The following FEZ1 variants were observed in gnomAD, a reference collection of about 807,000 sequenced individuals.
The protein encoded by FEZ1 is fasciculation and elongation protein zeta 1, also known as fasciculation and elongation protein zeta-1.
In FEZ1, 20 loss-of-function variants were observed where a neutral mutation model predicts 49.3. The ratio of observed to expected loss-of-function variants is 0.41; its 90% confidence interval spans 0.29 to 0.59. FEZ1 has a LOEUF of 0.59. Ranked by LOEUF, FEZ1 falls within the 20% of genes least tolerant of loss-of-function variation. FEZ1 has a pLI of 0.36. For missense variants in FEZ1, 413 were observed against 476.0 expected (o/e 0.87, Z 1.23); for synonymous variants, 170 against 180.9 (o/e 0.94, Z 0.48).
intron 3 of FEZ1, 71 bp downstream of exon 3, chr11:125,481,463 A>G: frequency 2.3e-6 from 2 of 884,986 alleles, no homozygotes; most frequent in Non-Finnish European, 3.9e-6. Context: ...AAGACTGTTG[A>G]GTTACTGAAT....
chr11:125,478,391 A>C (rs924576226), intron 3 of FEZ1, among the ~76,000 whole-genome samples: 1 of 152,160 alleles, frequency 6.6e-6, no homozygotes, highest in Admixed American at 6.5e-5. Flanking sequence ...GCAGTGAGCC[A>C]AGATCGCGCC....
At chr11:125,485,987 G>A (rs543883074) in intron 2 of FEZ1, among the ~76,000 whole-genome samples, 17 of 152,150 alleles carry the variant, frequency 1.1e-4, no homozygotes, top group East Asian at 7.7e-4. Context: ...ACATTAATGC[G>A]TTTGCTCAAC....
intron 2 of FEZ1, among the ~76,000 whole-genome samples, chr11:125,486,654 G>T (rs1565304181): frequency 6.6e-6 from 1 of 152,150 alleles, no homozygotes; most frequent in Non-Finnish European, 1.5e-5. Context: ...CCCTGCTTTT[G>T]TTTTAAGCTT....
chr11:125,477,308 A>T (rs1176582455), intron 3 of FEZ1, among the ~76,000 whole-genome samples: 1 of 149,870 alleles, frequency 6.7e-6, no homozygotes, highest in Non-Finnish European at 1.5e-5. Context: ...TAGCCTGGCC[A>T]ATATGCAAAA....
At chr11:125,479,057 CGA>C (rs1957257402) in intron 3 of FEZ1, among the ~76,000 whole-genome samples, 1 of 152,096 alleles carries the variant, frequency 6.6e-6, no homozygotes, top group Admixed American at 6.6e-5. Flanking sequence ...CATGCACAGC[CGA>C]GAGTTCAAAA....
chr11:125,455,657 G>A, intron 6 of FEZ1, 178 bp downstream of exon 6: 1 of 696,808 alleles, frequency 1.4e-6, no homozygotes, highest in African/African-American at 1.8e-5. Context: ...AGCCCTTTGG[G>A]GGAGTGGAGG....
chr11:125,454,313 G>C, intron 6 of FEZ1, 103 bp from the exon 7 acceptor site: 1 of 752,196 alleles, frequency 1.3e-6, no homozygotes, highest in Non-Finnish European at 2.2e-6. Flanking sequence ...ACGCCCCAGG[G>C]TTCTGTGACT....
intron 8 of FEZ1, among the ~76,000 whole-genome samples, chr11:125,450,113 C>T (rs746314721): frequency 2.2e-4 from 33 of 151,642 alleles, no homozygotes; most frequent in African/African-American, 7.3e-4. Flanking sequence ...CTGCAACCTC[C>T]GCCTCCCGGG....
rs942764752 is a variant in FEZ1 at position 125,483,421 on chromosome 11, G to T, written c.312-1788C>A. Among the ~76,000 whole-genome samples, 3 of 152,124 alleles carry T rather than the reference G, an allele frequency of 2.0e-5. No individual in the cohort carries two copies. The East Asian group carries it at 5.8e-4, about 29-fold the overall frequency. On this transcript the variant is annotated intron_variant, in intron 2 of 9. Coordinates refer to ENST00000278919, the MANE Select transcript of FEZ1 (RefSeq NM_005103.5). ...TTTGAAGAGAACTCATCAAGTACTC[G>T]TTAGCCATCTACTCAGCAGGATTTC...
At chr11:125,478,303 A>C (rs1957249797) in intron 3 of FEZ1, among the ~76,000 whole-genome samples, 1 of 152,172 alleles carries the variant, frequency 6.6e-6, no homozygotes, top group African/African-American at 2.4e-5. Context: ...TTAGCTGAGC[A>C]TGATGGCACA....
intron 5 of FEZ1, among the ~76,000 whole-genome samples, chr11:125,460,049 C>T (rs933592240): frequency 6.6e-6 from 1 of 152,058 alleles, no homozygotes; most frequent in African/African-American, 2.4e-5. Flanking sequence ...TGAGCTAAGA[C>T]CATGCCGCTA....
chr11:125,493,758 G>C (rs746399185), intron 1 of FEZ1, among the ~76,000 whole-genome samples: 1 of 152,182 alleles, frequency 6.6e-6, no homozygotes, highest in Non-Finnish European at 1.5e-5. Flanking sequence ...AAGCCAATCC[G>C]ATAGTGTTGC....
chr11:125,451,975 C>T (rs1956962525), intron 8 of FEZ1, among the ~76,000 whole-genome samples: 1 of 152,198 alleles, frequency 6.6e-6, no homozygotes, highest in South Asian at 2.1e-4. Context: ...CAGGCAACCT[C>T]AAGTTGCAGG....
Position 125,495,714 on chromosome 11 carries a change from C to G in FEZ1, c.-46+407G>C, listed in dbSNP as rs1957457721. On this transcript the variant is annotated intron_variant, in intron 1 of 9. Transcript: ENST00000278919. The surrounding 1 kb of genome is among the most constrained non-coding windows in gnomAD (Gnocchi z 4.2). ...TACCGACCCACTGCCCCAGCGCGAT[C>G]GGGCGGCGTTCCCTTCTTCCCCCAG... is the stretch of plus-strand genomic sequence containing the variant. 1 of 353,502 alleles carries G rather than the reference C, an allele frequency of 2.8e-6. No homozygotes were observed. Among genetic ancestry groups the G allele is most frequent in the Non-Finnish European group, 5.6e-6 (1 of 179,202 alleles). 21.9% of individuals were successfully genotyped at this position (353,502 alleles called of 1,614,324 possible).
rs187331310 is a variant in FEZ1 at position 125,455,220 on chromosome 11, A to G, written c.939+615T>C. ...AGCCTGGCCAACATGGTGAAACCCC[A>G]TCTCTACTAAAAATACAAAAATAAT... On this transcript the variant is annotated intron_variant, in intron 6 of 9. Transcript: ENST00000278919. 1.8e-3 allele frequency among the ~76,000 whole-genome samples: 272 copies of G among 151,682 alleles called. 6 individuals are homozygous for G. The highest frequency in any genetic ancestry group is 4.8e-3 in the African/African-American group (197 of 41,334).
At chr11:125,450,798 T>C (rs1413648368) in intron 8 of FEZ1, among the ~76,000 whole-genome samples, 8 of 152,176 alleles carry the variant, frequency 5.3e-5, no homozygotes, top group Admixed American at 4.6e-4. Context: ...CAGTATAATC[T>C]CAACTATATA....
rs548678307 is a variant in FEZ1 at position 125,483,195 on chromosome 11, T to C, written c.312-1562A>G. 2.2e-4 allele frequency among the ~76,000 whole-genome samples: 33 copies of C among 152,186 alleles called. No homozygotes were observed. In the South Asian group the frequency reaches 6.8e-3, roughly 32 times the overall value. The stretch of plus-strand genomic sequence containing the variant: ...CACTATTAACTAAACAAAATGCCCA[T>C]ATATCACATCACATTCCTGATTTTG... On this transcript the variant is annotated intron_variant, in intron 2 of 9. Transcript: ENST00000278919.
Position 125,455,821 on chromosome 11 carries a change from G to A in FEZ1, c.939+14C>T. 6.2e-7 allele frequency: 1 copy of A among 1,613,760 alleles called. No homozygotes were observed. The highest frequency in any genetic ancestry group is 8.5e-7 in the Non-Finnish European group (1 of 1,179,834). ...GTTGGAGGCACCCAGTCTTCCACCT[G>A]GTTGTTCACCTACCTTGAGAGGCAT... On this transcript the variant is annotated intron_variant, in intron 6 of 9. Transcript: ENST00000278919.
chr11:125,463,667 C>T lies in FEZ1; in HGVS notation c.412-97G>A. On this transcript the variant is annotated intron_variant, in intron 3 of 9. Transcript: ENST00000278919. Reference sequence around the variant, plus strand: ...ATGGATGATACTGACTGGGAGGCCACTCCAGCCAGCTGCTGTCTAAACAGT... The same window carrying T: ...ATGGATGATACTGACTGGGAGGCCATTCCAGCCAGCTGCTGTCTAAACAGT... The T allele has an allele frequency of 4.0e-6, 3 of 741,442 alleles. No individual in the cohort carries two copies. The South Asian group carries it at 4.6e-5, about 11-fold the overall frequency. 45.9% of individuals were successfully genotyped at this position (741,442 alleles called of 1,614,324 possible).
Sources: gnomAD v4.1 joint callset for allele counts (sites outside exome capture counted in the v4.1 genomes callset) on GRCh38, gnomAD v4.1.1 for gene constraint, Gnocchi (gnomAD v3.1) non-coding constraint, MANE v1.5 for transcripts, NCBI Gene and HGNC (gene_info 2026-07-23, HGNC 2026-07-21) for gene names.